HIVEP3: variants seen among roughly 807,000 people sequenced by gnomAD.
The protein encoded by HIVEP3 is HIVEP zinc finger 3, also known as transcription factor HIVEP3.
Under a neutral mutation model 152.8 loss-of-function variants are expected in HIVEP3, and 49 were observed. The ratio of observed to expected loss-of-function variants is 0.32; its 90% CI spans 0.26 to 0.41. The LOEUF (loss-of-function observed/expected upper bound fraction) is 0.41. Ranked by LOEUF, HIVEP3 falls within the 10% of genes least tolerant of loss-of-function variation. The pLI, the probability that HIVEP3 is intolerant of heterozygous loss-of-function variation, is 1.00. For missense variants in HIVEP3, 2,790 were observed against 3,103.3 expected (o/e 0.90, Z 2.40); for synonymous variants, 1,269 against 1,289.0 (o/e 0.98, Z 0.33).
intron 5 of HIVEP3, among the ~76,000 whole-genome samples, chr1:41,562,597 T>TCCTTTC (rs763245562): frequency 2.9e-5 from 1 of 34,262 alleles, no homozygotes; most frequent in South Asian, 1.5e-3. Flanking sequence ...CTTCCTTCCT[T>TCCTTTC]TCTTTCTCTC....
intron 1 of HIVEP3, among the ~76,000 whole-genome samples, chr1:41,913,935 A>G (rs544885529): frequency 1.3e-5 from 2 of 152,316 alleles, no homozygotes; most frequent in South Asian, 4.1e-4. Context: ...GGGTCCACCG[A>G]TGCTCAGAGA....
chr1:41,772,909 A>T (rs1051933417), intron 1 of HIVEP3, among the ~76,000 whole-genome samples: 28 of 152,182 alleles, frequency 1.8e-4, no homozygotes, highest in African/African-American at 6.0e-4. Context: ...CTGTATCAAA[A>T]AAATAAATAA....
chr1:41,706,168 G>A (rs1013945002), intron 1 of HIVEP3, among the ~76,000 whole-genome samples: 3 of 152,210 alleles, frequency 2.0e-5, no homozygotes, highest in African/African-American at 4.8e-5. Context: ...GCCCAAGTGT[G>A]AACATAGTAC....
At chr1:41,518,554 A>C in intron 6 of HIVEP3, 66 bp from the exon 7 acceptor site, 1 of 1,436,770 alleles carries the variant, frequency 7.0e-7, no homozygotes, top group Non-Finnish European at 9.8e-7. Flanking sequence ...CCCAGGGCTC[A>C]TGGAGGTAGC....
intron 1 of HIVEP3, among the ~76,000 whole-genome samples, chr1:41,774,808 A>ATTTATTTATTTAT (rs1183301943): frequency 6.7e-6 from 1 of 149,748 alleles, no homozygotes; most frequent in African/African-American, 2.5e-5. Flanking sequence ...TTATTTATTT[A>ATTTATTTATTTAT]TTTTTTGAGA....
At chr1:41,603,775 G>A (rs567260122) in intron 3 of HIVEP3, among the ~76,000 whole-genome samples, 11 of 152,338 alleles carry the variant, frequency 7.2e-5, no homozygotes, top group Admixed American at 6.5e-4. Flanking sequence ...ATCCATGTGT[G>A]CTTGAAAAGA....
chr1:41,612,761 G>A (rs1644916661), intron 3 of HIVEP3, among the ~76,000 whole-genome samples: 1 of 152,176 alleles, frequency 6.6e-6, no homozygotes, highest in Non-Finnish European at 1.5e-5. Context: ...GAATTCATCA[G>A]GGCCTAGAAT....
Position 41,638,301 on chromosome 1 carries a change from G to A in HIVEP3, c.-720-9354C>T, listed in dbSNP as rs57043883. Among the ~76,000 whole-genome samples, 872 of 104,610 alleles carry A rather than the reference G, an allele frequency of 8.3e-3. 1 individual carries two copies. Among genetic ancestry groups the A allele is most frequent in the East Asian group, 0.015 (57 of 3,760 alleles). The allele number at this position is 104,610 out of a possible 152,430, so 68.6% of individuals were successfully genotyped here. A position where few individuals can be genotyped will look rare whatever the true frequency, so the allele number is the denominator to read the frequency against. ...AAGAAAGAGGAAGGAAGGAAGGAGA[G>A]AGAAAGAAAGGAAAAGGAAAGAAAG... is the stretch of plus-strand genomic sequence containing the variant. On this transcript the variant is annotated intron_variant, in intron 2 of 8. Transcript: ENST00000372583.
intron 5 of HIVEP3, among the ~76,000 whole-genome samples, chr1:41,548,869 T>G (rs1490744065): frequency 6.6e-6 from 1 of 151,806 alleles, no homozygotes; most frequent in Non-Finnish European, 1.5e-5. Flanking sequence ...CTCATTATTT[T>G]ATTTTATTTT....
intron 7 of HIVEP3, among the ~76,000 whole-genome samples, chr1:41,515,765 T>C (rs1642587333): frequency 6.6e-6 from 1 of 152,168 alleles, no homozygotes. Context: ...GGTTTCCTCA[T>C]CTGTAAACTG....
chr1:41,838,409 T>C (rs1643190418), intron 1 of HIVEP3, among the ~76,000 whole-genome samples: 1 of 152,156 alleles, frequency 6.6e-6, no homozygotes, highest in Non-Finnish European at 1.5e-5. Flanking sequence ...GTGTCATTTC[T>C]TCACTCCTTG....
chr1:41,704,228 C>A (rs577751834), intron 1 of HIVEP3, among the ~76,000 whole-genome samples: 1 of 152,346 alleles, frequency 6.6e-6, no homozygotes, highest in South Asian at 2.1e-4. Context: ...AGCATCGCTT[C>A]CACCGCTTTC....
At chr1:41,772,265 T>A (rs1648423824) in intron 1 of HIVEP3, among the ~76,000 whole-genome samples, 1 of 152,194 alleles carries the variant, frequency 6.6e-6, no homozygotes, top group Non-Finnish European at 1.5e-5. Flanking sequence ...CATCTTCTAA[T>A]CATGTGGAAT....
At chr1:41,745,421 C>T (rs1015014296) in intron 1 of HIVEP3, among the ~76,000 whole-genome samples, 19 of 152,226 alleles carry the variant, frequency 1.2e-4, no homozygotes, top group Admixed American at 1.1e-3. Context: ...TTCTGCTTTG[C>T]AATCTATGCA....
At position 41,817,205 on chromosome 1, in the gene HIVEP3, G is replaced by A. The variant is rs114379172; in HGVS notation, c.-801+101208C>T. Among the ~76,000 whole-genome samples, 813 of 152,294 alleles carry A rather than the reference G, an allele frequency of 5.3e-3. 6 individuals are homozygous for A. Among genetic ancestry groups the A allele is most frequent in the African/African-American group, 0.019 (771 of 41,566 alleles). On this transcript the variant is annotated intron_variant, in intron 1 of 8. Transcript: ENST00000372583. Reference sequence around the variant, plus strand: ...TACTGCTGATAAATGGCAAAGCTGAGACCCACATCCAAGCCTTAGACCACA... The same window carrying A: ...TACTGCTGATAAATGGCAAAGCTGAAACCCACATCCAAGCCTTAGACCACA...
chr1:41,891,332 T>C (rs2764834), intron 1 of HIVEP3, among the ~76,000 whole-genome samples: 1 of 152,016 alleles, frequency 6.6e-6, no homozygotes, highest in African/African-American at 2.4e-5. Context: ...TCTACTCACA[T>C]AAGACAGTTT....
At position 41,507,930 on chromosome 1, in the gene HIVEP3, C is replaced by G. The variant is rs535633408; in HGVS notation, c.*2521G>C. The G allele has an allele frequency of 6.6e-6, 1 of 152,424 alleles. No individual in the cohort carries two copies. Among genetic ancestry groups the G allele is most frequent in the African/African-American group, 2.4e-5 (1 of 41,580 alleles). The allele number at this position is 152,424 out of a possible 1,614,324, so 9.4% of individuals were successfully genotyped here. On this transcript the variant is annotated 3_prime_UTR_variant, in exon 9 of 9. Transcript: ENST00000372583. ...ATTCTATTTGTGCATTTACCCCCAT[C>G]ATTTAGAAATAGTCTCCAGTGACTC...
chr1:41,696,599 C>T (rs957026735), intron 2 of HIVEP3, among the ~76,000 whole-genome samples: 4 of 152,250 alleles, frequency 2.6e-5, no homozygotes, highest in African/African-American at 9.6e-5. Flanking sequence ...AGCAGCCACC[C>T]GGGCAGGAGC....
chr1:41,553,400 C>T (rs1161197886), intron 5 of HIVEP3, among the ~76,000 whole-genome samples: 5 of 152,152 alleles, frequency 3.3e-5, no homozygotes, highest in Non-Finnish European at 7.3e-5. Context: ...TGTCTCTGCA[C>T]ATGAGATTGG....
Sources: gnomAD v4.1 joint callset for allele counts (sites outside exome capture counted in the v4.1 genomes callset) on GRCh38, gnomAD v4.1.1 for gene constraint, MANE v1.5 for transcripts, NCBI Gene and HGNC (gene_info 2026-07-23, HGNC 2026-07-21) for gene names.